MYLK: variants seen among roughly 807,000 people sequenced by gnomAD.
MYLK encodes the protein myosin light chain kinase.
A neutral mutation model predicts 203.4 loss-of-function variants in MYLK; 106 were observed. That is an observed-to-expected ratio of 0.52 (90% CI 0.45 to 0.61). The LOEUF is 0.61. Among genes scored for constraint, MYLK ranks in the 20% least tolerant of loss-of-function variants. The pLI is 0.00. For synonymous variants in MYLK, 867 were observed against 959.5 expected (o/e 0.90, Z 1.78); for missense variants, 2,072 against 2,442.3 (o/e 0.85, Z 3.20).
At chr3:123,844,304 C>T (rs2066660116) in intron 2 of MYLK, among the ~76,000 whole-genome samples, 1 of 152,096 alleles carries the variant, frequency 6.6e-6, no homozygotes, top group Admixed American at 6.6e-5. Context: ...AGGGAGGAAT[C>T]CATGGTGGCA....
intron 2 of MYLK, among the ~76,000 whole-genome samples, chr3:123,859,622 T>A (rs894336966): frequency 6.6e-6 from 1 of 152,260 alleles, no homozygotes; most frequent in Non-Finnish European, 1.5e-5. Flanking sequence ...TTAAAAGAAC[T>A]GTCCATATAC....
chr3:123,647,313 A>T lies in MYLK; in HGVS notation c.4530T>A (p.Ile1510=). 1 of 1,614,170 alleles carries T rather than the reference A, an allele frequency of 6.2e-7. No homozygotes were observed. The highest frequency in any genetic ancestry group is 8.5e-7 in the Non-Finnish European group (1 of 1,180,014). ...AKEKENIRQE[I]SIMNCLHHPK... The stretch of plus-strand genomic sequence containing the variant: ...GGTGGTGGAGGCAGTTCATGATGCT[A>T]ATCTCCTGCCGGATATTCTCTTTCT... Residue 1510 remains isoleucine (I), a synonymous_variant, in exon 27 of 34, where the codon ATT becomes ATA. Coordinates refer to ENST00000360304, the MANE Select transcript of MYLK (RefSeq NM_053025.4).
At chr3:123,664,630 C>G (rs986611771) in intron 22 of MYLK, among the ~76,000 whole-genome samples, 2 of 152,234 alleles carry the variant, frequency 1.3e-5, no homozygotes, top group African/African-American at 4.8e-5. Context: ...GGGTTCTAGC[C>G]TCTTCTGTGC....
rs558457420 is a variant in MYLK at position 123,764,980 on chromosome 3, T to C, written c.166-12442A>G. ...TTTGCTGTTGTCTCTCCTCATTCTT[T>C]CTGTCCTCATAGGTTTATAAGTTTT... On this transcript the variant is annotated intron_variant, in intron 4 of 33. Transcript: ENST00000360304. 2.6e-4 allele frequency among the ~76,000 whole-genome samples: 39 copies of C among 152,304 alleles called. 2 individuals carry two copies. In the South Asian group the frequency reaches 7.5e-3, roughly 29 times the overall value.
At chr3:123,681,921 G>C (rs2060278820) in intron 20 of MYLK, 2 of 439,510 alleles carry the variant, frequency 4.6e-6, no homozygotes, top group Non-Finnish European at 8.5e-6. Flanking sequence ...CTAGAGTCTT[G>C]GTGGGAAGTG....
chr3:123,779,915 G>C (rs902179803), intron 4 of MYLK, among the ~76,000 whole-genome samples: 1 of 152,194 alleles, frequency 6.6e-6, no homozygotes, highest in Non-Finnish European at 1.5e-5. Flanking sequence ...TGCAGATTTA[G>C]AGCCTCAGCA....
intron 19 of MYLK, among the ~76,000 whole-genome samples, chr3:123,684,144 T>G (rs752064243): frequency 2.0e-5 from 3 of 152,196 alleles, no homozygotes; most frequent in Non-Finnish European, 4.4e-5. Context: ...CATAGTTATT[T>G]GTCAGCCTCG....
chr3:123,777,157 A>G (rs1378665653), intron 4 of MYLK, among the ~76,000 whole-genome samples: 1 of 152,278 alleles, frequency 6.6e-6, no homozygotes, highest in East Asian at 1.9e-4. Flanking sequence ...GTATTACTAT[A>G]GTACTATGAT....
At chr3:123,864,296 G>A (rs2032161333) in intron 2 of MYLK, among the ~76,000 whole-genome samples, 1 of 152,178 alleles carries the variant, frequency 6.6e-6, no homozygotes, top group Non-Finnish European at 1.5e-5. Context: ...TTTGTCCAAA[G>A]TCATCCAATG....
chr3:123,852,293 T>G (rs376771841), intron 2 of MYLK, among the ~76,000 whole-genome samples: 1 of 151,978 alleles, frequency 6.6e-6, no homozygotes, highest in Non-Finnish European at 1.5e-5. Flanking sequence ...CTTTTTCTAT[T>G]GATTGGAATG....
At chr3:123,865,422 T>C (rs936726590) in intron 2 of MYLK, among the ~76,000 whole-genome samples, 2 of 152,212 alleles carry the variant, frequency 1.3e-5, no homozygotes, top group Non-Finnish European at 2.9e-5. Flanking sequence ...ACTTTGGCCT[T>C]AATAGACAGG....
chr3:123,833,595 T>C (rs1257741519), intron 2 of MYLK, among the ~76,000 whole-genome samples: 1 of 152,168 alleles, frequency 6.6e-6, no homozygotes, highest in Non-Finnish European at 1.5e-5. Context: ...TTAGGCCACA[T>C]CTGGCTATTA....
At chr3:123,841,509 G>A (rs142584713) in intron 2 of MYLK, among the ~76,000 whole-genome samples, 1 of 152,066 alleles carries the variant, frequency 6.6e-6, no homozygotes, top group Non-Finnish European at 1.5e-5. Context: ...ATAAGTGATA[G>A]CTTAGTCCTT....
At chr3:123,859,417 C>G in intron 2 of MYLK, among the ~76,000 whole-genome samples, 1 of 152,218 alleles carries the variant, frequency 6.6e-6, no homozygotes, top group East Asian at 1.9e-4. Context: ...TCATCCTAAT[C>G]ACACCTCCAA....
intron 19 of MYLK, among the ~76,000 whole-genome samples, chr3:123,686,590 A>C (rs932402720): frequency 2.0e-5 from 3 of 152,132 alleles, no homozygotes; most frequent in African/African-American, 7.2e-5. Flanking sequence ...TAGCGTAGTA[A>C]GGAAGAGAGA....
At chr3:123,724,195 T>C (rs897972075) in intron 12 of MYLK, among the ~76,000 whole-genome samples, 1 of 121,218 alleles carries the variant, frequency 8.2e-6, no homozygotes, top group African/African-American at 3.1e-5. Flanking sequence ...TTGGCCAGGC[T>C]GGTCTTGAAC....
At chr3:123,764,230 T>C (rs1249090508) in intron 4 of MYLK, among the ~76,000 whole-genome samples, 3 of 152,218 alleles carry the variant, frequency 2.0e-5, no homozygotes, top group Non-Finnish European at 4.4e-5. Flanking sequence ...CGGTTCTTTA[T>C]GTCTGTTCCA....
In MYLK at chr3:123,690,879, C is replaced by A. The variant is rs1382917436; in HGVS notation, c.3565+1856G>T. 3.3e-5 allele frequency among the ~76,000 whole-genome samples: 5 copies of A among 152,008 alleles called. 1 individual carries two copies. Among genetic ancestry groups the A allele is most frequent in the Admixed American group, 3.3e-4 (5 of 15,260 alleles). On this transcript the variant is annotated intron_variant, in intron 19 of 33. Transcript: ENST00000360304. The stretch of plus-strand genomic sequence containing the variant: ...ATTAGGGATAAATAATGATGGTCAT[C>A]AAGATTAGTGGAGAGGACAAGGGAA...
chr3:123,701,118 G>C, intron 17 of MYLK, 113 bp from the exon 18 acceptor site: 1 of 1,379,160 alleles, frequency 7.3e-7, no homozygotes, highest in South Asian at 1.2e-5. Context: ...GGGAGCGGGA[G>C]GGGATGGGGG....
Sources: allele counts gnomAD v4.1 joint callset (sites outside exome capture counted in the v4.1 genomes callset), GRCh38; gene constraint gnomAD v4.1.1; transcripts MANE v1.5; gene names NCBI Gene and HGNC (gene_info 2026-07-23, HGNC 2026-07-21).